The following CREG1 variants were observed in gnomAD, a reference collection of about 807,000 sequenced individuals.
The protein encoded by CREG1 is cellular repressor of E1A stimulated genes 1, also known as protein CREG1.
CREG1 carries 20 observed loss-of-function variants against 19.9 expected under a neutral mutation model. That is an observed-to-expected ratio of 1.01 (90% CI 0.71 to 1.46). CREG1 has a LOEUF of 1.46. CREG1 is among the 40% of genes most tolerant of loss of function. The probability of loss-of-function intolerance (pLI) is 0.00; values close to 1 mark genes in which losing one functional copy is unlikely to be tolerated. For synonymous variants in CREG1, 141 were observed against 143.3 expected, an observed-to-expected ratio of 0.98 and a Z score of 0.12; for missense variants, 290 against 314.9, an observed-to-expected ratio of 0.92 and a Z score of 0.60.
At chr1:167,552,735 C>T (rs1318130676) in intron 1 of CREG1, among the ~76,000 whole-genome samples, 1 of 152,148 alleles carries the variant, frequency 6.6e-6, no homozygotes, top group Admixed American at 6.5e-5. Context: ...AATCTCTATG[C>T]CCTGTAAAAC....
chr1:167,546,212 G>A lies in CREG1; in HGVS notation c.548C>T (p.Ser183Phe). The change falls in exon 3 of 4, where the codon TCC (serine) becomes TTC (phenylalanine). Residue 183 changes from serine to phenylalanine, a missense_variant. Ser to Phe is a radical substitution (Grantham distance 155). Transcript: ENST00000370509. ...IRHPEMKTWP[S>F]SHNWFFAKLN... is the part of the protein sequence containing the mutation. ...CTTAGCAAAGAACCAATTATGGCTG[G>A]AAGGCCAGGTTTTCATCTCAGGGTG... 6.2e-7 allele frequency: 1 copy of A among 1,613,238 alleles called. No homozygotes were observed. The highest frequency in any genetic ancestry group is 8.5e-7 in the Non-Finnish European group (1 of 1,179,640).
At position 167,550,776 on chromosome 1, in the gene CREG1, T is replaced by C. The variant is rs544909888; in HGVS notation, c.354+2612A>G. On this transcript the variant is annotated intron_variant, in intron 1 of 3. Transcript: ENST00000370509. ...TAGAGAACTTTGAAGAGGTCAGAAA[T>C]GGACACACATCTGGAAGTGAGTCCT... 4.6e-5 allele frequency among the ~76,000 whole-genome samples: 7 copies of C among 152,062 alleles called. No homozygotes were observed. The East Asian group carries it at 9.7e-4, about 21-fold the overall frequency.
rs554084190 is a variant in CREG1 at position 167,553,301 on chromosome 1, C to A, written c.354+87G>T. On this transcript the variant is annotated intron_variant, in intron 1 of 3. Transcript: ENST00000370509. ...AGCCGTTCGAGCCACGCTCCACTTCCCGGGAAGAATTCTGGGGAGAGTGAA... is the reference window on the plus strand; with the variant it reads ...AGCCGTTCGAGCCACGCTCCACTTCACGGGAAGAATTCTGGGGAGAGTGAA... 6.7e-4 allele frequency: 722 copies of A among 1,085,708 alleles called. 7 individuals carry two copies. Among genetic ancestry groups the A allele is most frequent in the Non-Finnish European group, 2.4e-4 (196 of 826,564 alleles). The allele number at this position is 1,085,708 out of a possible 1,614,324, so 67.3% of individuals were successfully genotyped here.
At chr1:167,544,383 C>T (rs982266824) in intron 3 of CREG1, among the ~76,000 whole-genome samples, 5 of 151,922 alleles carry the variant, frequency 3.3e-5, no homozygotes, top group African/African-American at 9.7e-5. Context: ...TAGTTCAACA[C>T]GGAATTGTTC....
chr1:167,548,307 G>A (rs1175192877), intron 1 of CREG1, among the ~76,000 whole-genome samples, 186 bp from the exon 2 acceptor site: 1 of 152,220 alleles, frequency 6.6e-6, no homozygotes, highest in Non-Finnish European at 1.5e-5. Context: ...ACTCCCCAAA[G>A]GGGGTGCGGG....
intron 1 of CREG1, among the ~76,000 whole-genome samples, chr1:167,552,635 G>A (rs577882085): frequency 1.1e-3 from 171 of 152,356 alleles, no homozygotes; most frequent in African/African-American, 3.7e-3. Context: ...GTACGTTAGC[G>A]TCTTGCTGCA....
intron 2 of CREG1, among the ~76,000 whole-genome samples, chr1:167,546,801 G>A (rs1230469145): frequency 2.0e-5 from 3 of 152,258 alleles, no homozygotes; most frequent in African/African-American, 4.8e-5. Context: ...CAGATACCAC[G>A]AAGTGGGAAA....
intron 2 of CREG1, 149 bp from the exon 3 acceptor site, chr1:167,546,434 G>A (rs1656326687): frequency 3.9e-6 from 2 of 514,234 alleles, no homozygotes; most frequent in South Asian, 5.5e-5. Context: ...ACGAGGTCAG[G>A]AGACTCAGAC....
chr1:167,542,363 A>G, intron 3 of CREG1, 62 bp from the exon 4 acceptor site: 1 of 1,501,700 alleles, frequency 6.7e-7, no homozygotes, highest in Non-Finnish European at 9.1e-7. Flanking sequence ...TTAAAAATTA[A>G]TTCATTCTAG....
chr1:167,552,720 C>T (rs1656441625), intron 1 of CREG1, among the ~76,000 whole-genome samples: 2 of 152,158 alleles, frequency 1.3e-5, no homozygotes. Flanking sequence ...GCTTAAGTAC[C>T]TAACAATCTC....
chr1:167,553,131 G>A (rs1168281550), intron 1 of CREG1, among the ~76,000 whole-genome samples: 1 of 152,064 alleles, frequency 6.6e-6, no homozygotes, highest in Non-Finnish European at 1.5e-5. Context: ...ACTCACGGAT[G>A]AGAAGTCCTC....
intron 1 of CREG1, among the ~76,000 whole-genome samples, chr1:167,548,808 T>C (rs979613823): frequency 6.6e-6 from 1 of 152,228 alleles, no homozygotes; most frequent in African/African-American, 2.4e-5. Context: ...GTGGAGAATT[T>C]TGCCATTTCA....
intron 1 of CREG1, among the ~76,000 whole-genome samples, chr1:167,549,612 T>C (rs980753157): frequency 6.6e-6 from 1 of 152,180 alleles, no homozygotes; most frequent in African/African-American, 2.4e-5. Context: ...CTTGAACTCC[T>C]GACCTTGTGA....
chr1:167,549,141 C>G (rs1656379501), intron 1 of CREG1, among the ~76,000 whole-genome samples: 1 of 152,136 alleles, frequency 6.6e-6, no homozygotes, highest in Non-Finnish European at 1.5e-5. Flanking sequence ...CTGGGTGAGC[C>G]TAAGACTTGA....
intron 1 of CREG1, 40 bp downstream of exon 1, chr1:167,553,348 G>A: frequency 7.6e-7 from 1 of 1,318,352 alleles, no homozygotes. Context: ...TGGCCGCCCC[G>A]CCCACAGCCC....
intron 1 of CREG1, among the ~76,000 whole-genome samples, chr1:167,549,412 T>G (rs976195824): frequency 6.0e-5 from 9 of 149,046 alleles, no homozygotes; most frequent in Non-Finnish European, 1.3e-4. Flanking sequence ...TGAGACGGAG[T>G]CTTGCTCTGT....
chr1:167,553,327 G>T, intron 1 of CREG1, 61 bp downstream of exon 1: 1 of 1,225,350 alleles, frequency 8.2e-7, no homozygotes. Context: ...GGAGAGTGAA[G>T]GCTCGCTCTG....
rs1656239220 is a variant in CREG1, at chr1:167,542,219, A to G, written c.*79T>C. On this transcript the variant is annotated 3_prime_UTR_variant, in exon 4 of 4. Coordinates refer to ENST00000370509, the MANE Select transcript of CREG1 (RefSeq NM_003851.3). Reference sequence around the variant, plus strand: ...GCTAATATTCTGGGACGCTTTCCAGAGAAACATTAAGCCTTTTAAGTGTGT... The same window carrying G: ...GCTAATATTCTGGGACGCTTTCCAGGGAAACATTAAGCCTTTTAAGTGTGT... 1.5e-5 allele frequency: 19 copies of G among 1,308,642 alleles called. No individual in the cohort carries two copies. In the South Asian group the frequency reaches 2.9e-4, roughly 20 times the overall value. The allele number at this position is 1,308,642 out of a possible 1,614,324, so 81.1% of individuals were successfully genotyped here. A position where few individuals can be genotyped will look rare whatever the true frequency, so the allele number is the denominator to read the frequency against.
At chr1:167,552,902 C>T (rs1656444189) in intron 1 of CREG1, among the ~76,000 whole-genome samples, 1 of 151,972 alleles carries the variant, frequency 6.6e-6, no homozygotes, top group Non-Finnish European at 1.5e-5. Flanking sequence ...CAAAAATTAG[C>T]CGGGTGTGGT....
Sources: allele counts gnomAD v4.1 joint callset (sites outside exome capture counted in the v4.1 genomes callset), GRCh38; gene constraint gnomAD v4.1.1; transcripts MANE v1.5; gene names NCBI Gene and HGNC (gene_info 2026-07-23, HGNC 2026-07-21).